The following CDKAL1 variants were observed in gnomAD, a reference collection of about 807,000 sequenced individuals.
CDKAL1 encodes the protein threonylcarbamoyladenosine tRNA methylthiotransferase.
A neutral mutation model predicts 68.2 loss-of-function variants in CDKAL1; 32 were observed. The ratio of observed to expected loss-of-function variants is 0.47; its 90% CI spans 0.35 to 0.63. CDKAL1 has a LOEUF of 0.63. Among genes scored for constraint, CDKAL1 ranks in the 30% least tolerant of loss-of-function variants. The pLI is 0.00. For synonymous variants in CDKAL1, 234 were observed against 244.3 expected, an observed-to-expected ratio of 0.96 and a Z score of 0.39; for missense variants, 606 against 696.7, an observed-to-expected ratio of 0.87 and a Z score of 1.47.
chr6:20,852,464 T>C (rs191820691), intron 9 of CDKAL1, among the ~76,000 whole-genome samples: 6 of 152,352 alleles, frequency 3.9e-5, no homozygotes, highest in Admixed American at 1.3e-4. Context: ...TTTTCTTCTG[T>C]TGATTCTTGC....
Position 20,801,429 on chromosome 6 carries a change from T to G in CDKAL1, c.638+20164T>G, listed in dbSNP as rs913209088. ...TGTCTACCCACCATGAAGATTGTTA[T>G]TAACATTTTACCATCTTTATTATGT... On this transcript the variant is annotated intron_variant, in intron 8 of 15. Coordinates refer to ENST00000274695, the MANE Select transcript of CDKAL1 (RefSeq NM_017774.3). Among the ~76,000 whole-genome samples, 3 of 152,242 alleles carry G rather than the reference T, an allele frequency of 2.0e-5. No homozygotes were observed. In the East Asian group the frequency reaches 5.8e-4, roughly 29 times the overall value.
intron 9 of CDKAL1, among the ~76,000 whole-genome samples, chr6:20,918,544 G>GTGT (rs1459315036): frequency 6.6e-6 from 1 of 152,096 alleles, no homozygotes; most frequent in Non-Finnish European, 1.5e-5. Context: ...GCTCATTCTT[G>GTGT]TACATCACAA....
intron 12 of CDKAL1, among the ~76,000 whole-genome samples, chr6:21,088,771 G>A (rs941139819): frequency 6.6e-6 from 1 of 151,852 alleles, no homozygotes; most frequent in African/African-American, 2.4e-5. Context: ...GTGAAACCCC[G>A]TCTCTACTAA....
At position 20,765,412 on chromosome 6, in the gene CDKAL1, TCCC is replaced by T. The variant is rs1774655617; in HGVS notation, c.517+6770_517+6772del. 1.4e-5 allele frequency among the ~76,000 whole-genome samples: 2 copies of T among 147,508 alleles called. 1 individual carries two copies. Among genetic ancestry groups the T allele is most frequent in the Admixed American group, 1.4e-4 (2 of 14,668 alleles). On this transcript the variant is annotated intron_variant, in intron 7 of 15. Coordinates refer to ENST00000274695, the MANE Select transcript of CDKAL1 (RefSeq NM_017774.3). The stretch of plus-strand genomic sequence containing the variant: ...ACCTCGTGATCCGCCCGCCTCGGCC[TCCC>T]AAAGTGCTGGGATTACAGGCGTGAG...
chr6:20,883,384 A>G (rs1197046176), intron 9 of CDKAL1, among the ~76,000 whole-genome samples: 1 of 152,174 alleles, frequency 6.6e-6, no homozygotes, highest in Non-Finnish European at 1.5e-5. Flanking sequence ...ATGGTTCCCA[A>G]TATTCTTACC....
intron 9 of CDKAL1, among the ~76,000 whole-genome samples, chr6:20,864,041 C>T (rs933777077): frequency 3.9e-5 from 6 of 152,010 alleles, no homozygotes; most frequent in Admixed American, 2.6e-4. Flanking sequence ...AAACTTGGCA[C>T]GATGTTAACT....
intron 13 of CDKAL1, among the ~76,000 whole-genome samples, chr6:21,156,628 A>T (rs1355691219): frequency 6.6e-6 from 1 of 151,968 alleles, no homozygotes; most frequent in African/African-American, 2.4e-5. Context: ...GAGTGATGGG[A>T]CAAATTTGTC....
At chr6:21,067,525 T>C (rs1291299926) in intron 12 of CDKAL1, among the ~76,000 whole-genome samples, 1 of 152,126 alleles carries the variant, frequency 6.6e-6, no homozygotes, top group African/African-American at 2.4e-5. Flanking sequence ...GGCAGAAGAA[T>C]GGCGTGAACC....
chr6:21,169,422 G>A (rs767354207), intron 13 of CDKAL1, among the ~76,000 whole-genome samples: 2 of 152,166 alleles, frequency 1.3e-5, no homozygotes, highest in Non-Finnish European at 2.9e-5. Flanking sequence ...ATCACTTGAA[G>A]CCAGGAGTTC....
intron 13 of CDKAL1, among the ~76,000 whole-genome samples, chr6:21,134,241 G>A (rs914623174): frequency 2.0e-5 from 3 of 152,062 alleles, no homozygotes; most frequent in Non-Finnish European, 2.9e-5. Flanking sequence ...GCTCAAATTC[G>A]GTTTTAGAAA....
chr6:21,173,597 A>G (rs1451185260), intron 13 of CDKAL1, among the ~76,000 whole-genome samples: 2 of 152,226 alleles, frequency 1.3e-5, no homozygotes, highest in East Asian at 1.9e-4. Flanking sequence ...CTGATTACCT[A>G]CTGTGCTCGA....
chr6:21,209,101 C>A (rs1203912262), intron 15 of CDKAL1, among the ~76,000 whole-genome samples: 1 of 152,142 alleles, frequency 6.6e-6, no homozygotes, highest in Admixed American at 6.5e-5. Flanking sequence ...TTTAGTGAAC[C>A]ACTACTATGT....
intron 8 of CDKAL1, among the ~76,000 whole-genome samples, chr6:20,828,356 G>A (rs139215688): frequency 0.014 from 2,197 of 151,922 alleles, 30 homozygotes; most frequent in Middle Eastern, 0.051. Flanking sequence ...AGCCTCCCAA[G>A]TAGCTTGGAT....
chr6:21,183,137 G>GTT lies in CDKAL1; in HGVS notation c.1300-14871_1300-14870dup, dbSNP rs35815279. 5.0e-3 allele frequency among the ~76,000 whole-genome samples: 726 copies of GTT among 144,386 alleles called. 7 individuals carry two copies. Among genetic ancestry groups the GTT allele is most frequent in the African/African-American group, 0.016 (640 of 39,420 alleles). The allele number at this position is 144,386 out of a possible 152,430, so 94.7% of individuals were successfully genotyped here. A position where few individuals can be genotyped will look rare whatever the true frequency, so the allele number is the denominator to read the frequency against. On this transcript the variant is annotated intron_variant, in intron 13 of 15. Transcript: ENST00000274695. ...TAGAAATGACAGTAAGCTGCTCTAG[G>GTT]TTTTTTTTTTTTTTCCAGCATAATT...
At chr6:20,659,162 T>A (rs1769168474) in intron 5 of CDKAL1, among the ~76,000 whole-genome samples, 1 of 152,066 alleles carries the variant, frequency 6.6e-6, no homozygotes, top group Non-Finnish European at 1.5e-5. Flanking sequence ...ATTAAAAAAA[T>A]TTTGTCATTA....
chr6:20,867,622 G>A (rs972125672), intron 9 of CDKAL1, among the ~76,000 whole-genome samples: 5 of 152,178 alleles, frequency 3.3e-5, no homozygotes, highest in African/African-American at 9.7e-5. Flanking sequence ...AACCAGTGGA[G>A]GAGTTTGGTC....
At chr6:20,725,804 A>G (rs6914868) in intron 5 of CDKAL1, among the ~76,000 whole-genome samples, 16,126 of 148,810 alleles carry the variant, frequency 0.11, 1,131 homozygotes, top group East Asian at 0.23. Flanking sequence ...AAAAAAAAAA[A>G]GAAAAAGTTA....
intron 10 of CDKAL1, among the ~76,000 whole-genome samples, chr6:20,987,658 T>C (rs1766543725): frequency 6.6e-6 from 1 of 152,220 alleles, no homozygotes; most frequent in African/African-American, 2.4e-5. Flanking sequence ...ACCTTCATAA[T>C]TGATAGGCAC....
At chr6:20,576,656 C>T (rs1313429139) in intron 4 of CDKAL1, among the ~76,000 whole-genome samples, 3 of 152,162 alleles carry the variant, frequency 2.0e-5, no homozygotes, top group Non-Finnish European at 4.4e-5. Flanking sequence ...TGCTTAGCGC[C>T]TTCTGTTTCC....
Sources: gnomAD v4.1 joint callset for allele counts (sites outside exome capture counted in the v4.1 genomes callset) on GRCh38, gnomAD v4.1.1 for gene constraint, MANE v1.5 for transcripts, NCBI Gene and HGNC (gene_info 2026-07-23, HGNC 2026-07-21) for gene names.